CSGALNACT1: variants seen among roughly 807,000 people sequenced by gnomAD.
CSGALNACT1 encodes the protein beta4GalNAcT-1.
Under a neutral mutation model 51.0 loss-of-function variants are expected in CSGALNACT1, and 52 were observed. That is an observed-to-expected ratio of 1.02 (90% CI 0.82 to 1.29). CSGALNACT1 has a LOEUF of 1.29. CSGALNACT1 is among the 50% of genes most tolerant of loss of function. CSGALNACT1 has a pLI of 0.00. For missense variants in CSGALNACT1, 935 were observed against 679.2 expected (o/e 1.38, Z -4.19); for synonymous variants, 341 against 254.4 (o/e 1.34, Z -3.24).
chr8:19,405,499 A>T, exon 10 of CSGALNACT1: 1 of 591,874 alleles, frequency 1.7e-6, no homozygotes, highest in Non-Finnish European at 3.2e-6. Context: ...TGTGTTGTAA[A>T]CACCATCAAA....
intron 4 of CSGALNACT1, among the ~76,000 whole-genome samples, chr8:19,480,115 T>A (rs2070946484): frequency 6.6e-6 from 1 of 152,198 alleles, no homozygotes; most frequent in Non-Finnish European, 1.5e-5. Context: ...TTATTTTTAT[T>A]TTTTGCTTTT....
chr8:19,452,290 C>A (rs1201696799), intron 5 of CSGALNACT1, among the ~76,000 whole-genome samples: 1 of 152,130 alleles, frequency 6.6e-6, no homozygotes, highest in Admixed American at 6.5e-5. Flanking sequence ...ACCTTGGCTT[C>A]CACCTAGGAC....
intron 1 of CSGALNACT1, among the ~76,000 whole-genome samples, chr8:19,707,541 G>A (rs1411050040): frequency 6.6e-6 from 1 of 152,176 alleles, no homozygotes; most frequent in Non-Finnish European, 1.5e-5. Flanking sequence ...AGTAAAAGAA[G>A]TCACTATTAA....
intron 3 of CSGALNACT1, among the ~76,000 whole-genome samples, chr8:19,529,860 G>A (rs147802170): frequency 9.3e-4 from 142 of 152,242 alleles, no homozygotes; most frequent in African/African-American, 3.3e-3. Flanking sequence ...ACAATGTGAT[G>A]CTATGTAAAT....
chr8:19,604,579 A>T (rs564784286), upstream of CSGALNACT1, among the ~76,000 whole-genome samples: 136 of 152,186 alleles, frequency 8.9e-4, no homozygotes, highest in African/African-American at 3.2e-3. Context: ...ACCTTCACCT[A>T]CAGGACTTAG....
intron 6 of CSGALNACT1, among the ~76,000 whole-genome samples, chr8:19,434,058 T>G (rs1386756685): frequency 6.6e-6 from 1 of 152,170 alleles, no homozygotes; most frequent in Non-Finnish European, 1.5e-5. Context: ...ACACCAAAAT[T>G]CATCCATGTT....
chr8:19,444,505 G>A (rs920719321), intron 5 of CSGALNACT1, among the ~76,000 whole-genome samples: 3 of 152,114 alleles, frequency 2.0e-5, no homozygotes, highest in Admixed American at 2.0e-4. Context: ...TCTACTGGTA[G>A]GATATTTTGT....
chr8:19,501,650 T>A (rs1009763721), intron 4 of CSGALNACT1, among the ~76,000 whole-genome samples: 3 of 152,204 alleles, frequency 2.0e-5, no homozygotes, highest in African/African-American at 7.2e-5. Context: ...CATTATCAGA[T>A]GTTTGGATTG....
rs1419736288 is a variant in CSGALNACT1, at chr8:19,596,578, G to A, written c.-416+5193C>T. 2.7e-5 allele frequency among the ~76,000 whole-genome samples: 4 copies of A among 150,252 alleles called. No homozygotes were observed. In the South Asian group the frequency reaches 8.4e-4, roughly 32 times the overall value. ...GAATCATGTTTTAACTGCAAATATA[G>A]GCCACAAATTGTAAGAAAAAAAAAA... On this transcript the variant is annotated intron_variant, in intron 2 of 9. Coordinates refer to ENST00000454498, the Ensembl canonical transcript of CSGALNACT1.
chr8:19,691,787 G>C (rs569115535), intron 1 of CSGALNACT1, among the ~76,000 whole-genome samples: 3 of 152,306 alleles, frequency 2.0e-5, no homozygotes, highest in African/African-American at 7.2e-5. Context: ...CACTGAAGTA[G>C]TGATTCTCCA....
intron 1 of CSGALNACT1, among the ~76,000 whole-genome samples, chr8:19,753,586 G>T (rs2065177204): frequency 6.6e-6 from 1 of 152,134 alleles, no homozygotes; most frequent in Admixed American, 6.5e-5. Flanking sequence ...TGCCTAGCGT[G>T]GTTTTGATAT....
upstream of CSGALNACT1, among the ~76,000 whole-genome samples, chr8:19,606,672 T>C (rs934792380): frequency 1.3e-5 from 2 of 152,188 alleles, no homozygotes; most frequent in African/African-American, 2.4e-5. Context: ...TTTAATTCCT[T>C]TTTCATTTTA....
chr8:19,750,292 A>T (rs2064950077), intron 1 of CSGALNACT1, among the ~76,000 whole-genome samples: 1 of 152,190 alleles, frequency 6.6e-6, no homozygotes, highest in Admixed American at 6.5e-5. Flanking sequence ...CAGGGACCCT[A>T]CACTGCTGTC....
intron 1 of CSGALNACT1, among the ~76,000 whole-genome samples, chr8:19,697,211 T>C (rs553719185): frequency 5.3e-5 from 8 of 151,868 alleles, no homozygotes; most frequent in South Asian, 2.1e-4. Flanking sequence ...ATGACCACCA[T>C]GAAGAGGAAA....
intron 7 of CSGALNACT1, among the ~76,000 whole-genome samples, chr8:19,420,018 TAC>T (rs767775086): frequency 6.6e-6 from 1 of 152,186 alleles, no homozygotes; most frequent in Non-Finnish European, 1.5e-5. Flanking sequence ...GGAGTTCCCT[TAC>T]ACACACTGTC....
At chr8:19,479,644 T>A (rs2070785447) in intron 4 of CSGALNACT1, among the ~76,000 whole-genome samples, 1 of 152,020 alleles carries the variant, frequency 6.6e-6, no homozygotes, top group South Asian at 2.1e-4. Flanking sequence ...ATACCCAGAA[T>A]TAAGGATGTT....
rs746391651 is a variant in CSGALNACT1 at position 19,418,732 on chromosome 8, G to C, written c.1151C>G (p.Pro384Arg). 4.3e-6 allele frequency: 7 copies of C among 1,611,014 alleles called. No individual in the cohort carries two copies. The highest frequency in any genetic ancestry group is 5.9e-6 in the Non-Finnish European group (7 of 1,177,332). ...AGGATTGTACTGACTGAAAAGAACT[G>C]GATAAAATACCTTCTTCCCTACAAA... Residue 384 changes from proline to arginine, a missense_variant, in exon 8 of 10, where the codon CCA becomes CGA. Coordinates refer to ENST00000454498, the Ensembl canonical transcript of CSGALNACT1.
intron 1 of CSGALNACT1, among the ~76,000 whole-genome samples, chr8:19,733,970 T>C (rs1487850708): frequency 1.3e-5 from 2 of 152,022 alleles, no homozygotes; most frequent in Non-Finnish European, 2.9e-5. Context: ...CTCTAAGAAG[T>C]GTACCCAGCT....
intron 3 of CSGALNACT1, among the ~76,000 whole-genome samples, chr8:19,509,598 G>A (rs575505958): frequency 7.2e-6 from 1 of 138,944 alleles, no homozygotes; most frequent in South Asian, 2.3e-4. Flanking sequence ...CTCCAGCCTG[G>A]GCAACAGTGC....
Sources: gnomAD v4.1 joint callset for allele counts (sites outside exome capture counted in the v4.1 genomes callset) on GRCh38, gnomAD v4.1.1 for gene constraint, MANE v1.5 for transcripts, NCBI Gene and HGNC (gene_info 2026-07-23, HGNC 2026-07-21) for gene names.